CKAP5: variants seen among roughly 807,000 people sequenced by gnomAD.
CKAP5 encodes cytoskeleton-associated protein 5.
A neutral mutation model predicts 232.8 loss-of-function variants in CKAP5; 27 were observed. That is an observed-to-expected ratio of 0.12 (90% CI 0.09 to 0.16). The LOEUF is 0.16. Among genes scored for constraint, CKAP5 ranks in the 10% least tolerant of loss-of-function variants. The probability of loss-of-function intolerance (pLI) is 1.00; values close to 1 mark genes in which losing one functional copy is unlikely to be tolerated. For synonymous variants in CKAP5, 785 were observed against 841.1 expected (o/e 0.93, Z 1.16); for missense variants, 1,838 against 2,424.7 (o/e 0.76, Z 5.08).
At chr11:46,795,847 C>G (rs532010587) in intron 12 of CKAP5, 71 bp from the exon 13 acceptor site, 2 of 1,287,794 alleles carry the variant, frequency 1.6e-6, no homozygotes, top group African/African-American at 2.9e-5. Flanking sequence ...TATTACATTT[C>G]TAAACCACAA....
At chr11:46,833,519 G>A (rs966219357) in intron 1 of CKAP5, among the ~76,000 whole-genome samples, 7 of 146,204 alleles carry the variant, frequency 4.8e-5, no homozygotes, top group African/African-American at 7.6e-5. Flanking sequence ...TGGCTCTGTC[G>A]CCCAGGCTGG....
intron 1 of CKAP5, among the ~76,000 whole-genome samples, chr11:46,845,885 C>T (rs1395318183): frequency 6.6e-6 from 1 of 152,138 alleles, no homozygotes; most frequent in Non-Finnish European, 1.5e-5. Context: ...TCTCGGGGCC[C>T]CCGCCCTAGT....
chr11:46,755,258 G>C (rs1233664567), intron 35 of CKAP5, among the ~76,000 whole-genome samples, 191 bp from the exon 36 acceptor site: 1 of 152,026 alleles, frequency 6.6e-6, no homozygotes, highest in African/African-American at 2.4e-5. Context: ...CTTTCACCCA[G>C]GCTGGTGTGC....
At chr11:46,783,958 G>A (rs985683568) in intron 17 of CKAP5, among the ~76,000 whole-genome samples, 4 of 151,316 alleles carry the variant, frequency 2.6e-5, no homozygotes, top group Admixed American at 1.3e-4. Context: ...CTCCTGCCTC[G>A]GCCTCCCAAA....
chr11:46,834,737 T>C (rs542446798), intron 1 of CKAP5, among the ~76,000 whole-genome samples: 28 of 152,272 alleles, frequency 1.8e-4, no homozygotes, highest in African/African-American at 6.0e-4. Context: ...GAATCTCCCA[T>C]ATTAAACATT....
At chr11:46,838,617 CAAAAAAAAAAAAAAAAAA>C (rs56117525) in intron 1 of CKAP5, among the ~76,000 whole-genome samples, 1 of 45,052 alleles carries the variant, frequency 2.2e-5, no homozygotes, top group Non-Finnish European at 3.8e-5. Context: ...CTTGCCTCTT[CAAAAAAAAAAAAAAAAAA>C]AAAAAAAAAA....
chr11:46,797,403 A>C (rs1283534920), intron 11 of CKAP5, among the ~76,000 whole-genome samples: 5 of 151,894 alleles, frequency 3.3e-5, no homozygotes, highest in Non-Finnish European at 7.4e-5. Flanking sequence ...AAAAAAAAAA[A>C]CAAAAATTTT....
Position 46,754,914 on chromosome 11 carries a change from T to C in CKAP5, c.4843A>G (p.Ser1615Gly). Residue 1615 changes from serine (S) to glycine (G), a missense_variant, in exon 36 of 44, where the codon AGC becomes GGC. Ser to Gly is a moderately conservative substitution (Grantham distance 56). This residue lies in a region of CKAP5 where 579 missense variants were observed against 843.2 expected (regional missense o/e 0.69). Transcript: ENST00000529230. ...LEKDEIIKLYSCIIGNMISLF... is the reference protein window; with the variant it reads ...LEKDEIIKLYGCIIGNMISLF... ...GAAATCATGTTGCCAATGATACAGC[T>C]ATACAACTTGATGATCTCGTCCTTC... The C allele has an allele frequency of 6.2e-7, 1 of 1,613,804 alleles. No individual in the cohort carries two copies.
intron 3 of CKAP5, among the ~76,000 whole-genome samples, chr11:46,816,914 C>A (rs1939416269): frequency 6.6e-6 from 1 of 151,172 alleles, no homozygotes; most frequent in Non-Finnish European, 1.5e-5. Flanking sequence ...CAAGACCAGC[C>A]TGACCAAAAT....
chr11:46,821,033 A>G, intron 2 of CKAP5, 142 bp downstream of exon 2: 3 of 583,258 alleles, frequency 5.1e-6, no homozygotes, highest in East Asian at 3.1e-5. Flanking sequence ...CCTATTTTCA[A>G]TGAGAAAAAA....
chr11:46,789,842 T>C (rs1481327806), intron 15 of CKAP5, among the ~76,000 whole-genome samples: 1 of 152,148 alleles, frequency 6.6e-6, no homozygotes, highest in Non-Finnish European at 1.5e-5. Context: ...AATAAGAATC[T>C]AATTTTCTTA....
At chr11:46,774,868 C>T (rs1178758588) in intron 24 of CKAP5, among the ~76,000 whole-genome samples, 1 of 152,170 alleles carries the variant, frequency 6.6e-6, no homozygotes, top group Admixed American at 6.5e-5. Flanking sequence ...AAACCTAAGA[C>T]CTTAAACCAT....
At position 46,818,460 on chromosome 11, in the gene CKAP5, A is replaced by G; in HGVS notation, c.101T>C (p.Ile34Thr). 1 of 1,608,288 alleles carries G rather than the reference A, an allele frequency of 6.2e-7. No individual in the cohort carries two copies. Among genetic ancestry groups the G allele is most frequent in the African/African-American group, 1.3e-5 (1 of 74,580 alleles). ...RLSGYEEALK[I>T]FQKIKDEKSP... The stretch of plus-strand genomic sequence containing the variant: ...CTTTTCATCCTTTATTTTCTGGAAG[A>G]TCTTCAGGGCCTCTTCATACCCACT... Residue 34 changes from isoleucine to threonine, a missense_variant, in exon 3 of 44, where the codon ATC becomes ACC. By Grantham distance (89) the Ile-to-Thr change is moderately conservative. Transcript: ENST00000529230.
chr11:46,830,780 T>A (rs914648932), intron 1 of CKAP5, among the ~76,000 whole-genome samples: 2 of 152,108 alleles, frequency 1.3e-5, no homozygotes, highest in African/African-American at 4.8e-5. Context: ...TTATTAACCA[T>A]GGGCCGGGGT....
At chr11:46,767,905 A>G (rs2065216316) in intron 26 of CKAP5, among the ~76,000 whole-genome samples, 1 of 151,490 alleles carries the variant, frequency 6.6e-6, no homozygotes, top group Non-Finnish European at 1.5e-5. Flanking sequence ...GAATTCTCCC[A>G]CCTCAGCCTC....
chr11:46,821,021 A>T, intron 2 of CKAP5, 154 bp downstream of exon 2: 1 of 577,286 alleles, frequency 1.7e-6, no homozygotes, highest in Non-Finnish European at 3.0e-6. Flanking sequence ...GAGCTACAGA[A>T]ACCTATTTTC....
intron 8 of CKAP5, among the ~76,000 whole-genome samples, chr11:46,805,364 T>C (rs1429965997): frequency 6.6e-6 from 1 of 152,110 alleles, no homozygotes; most frequent in Non-Finnish European, 1.5e-5. Flanking sequence ...AGGAATATCA[T>C]AAGAAATTTT....
intron 1 of CKAP5, among the ~76,000 whole-genome samples, chr11:46,838,537 T>C (rs535620122): frequency 1.4e-5 from 2 of 145,884 alleles, no homozygotes; most frequent in Non-Finnish European, 3.0e-5. Context: ...CTTTAGCACT[T>C]TGGGAGGCCG....
At chr11:46,779,511 C>T (rs992724891) in intron 20 of CKAP5, among the ~76,000 whole-genome samples, 6 of 149,300 alleles carry the variant, frequency 4.0e-5, no homozygotes, top group Non-Finnish European at 8.9e-5. Flanking sequence ...TTCTTCATTC[C>T]AGAAAGACAG....
Sources: allele counts gnomAD v4.1 joint callset (sites outside exome capture counted in the v4.1 genomes callset), GRCh38; gene constraint gnomAD v4.1.1; regional missense constraint gnomAD v4.1.1; transcripts MANE v1.5; gene names NCBI Gene and HGNC (gene_info 2026-07-23, HGNC 2026-07-21).